SHMT1: variants seen among roughly 807,000 people sequenced by gnomAD.
SHMT1 encodes the protein serine hydroxymethyltransferase, cytosolic.
In SHMT1, 45 loss-of-function variants were observed where a neutral mutation model predicts 49.0. The ratio of observed to expected loss-of-function variants is 0.92; its 90% CI spans 0.72 to 1.18. SHMT1 has a LOEUF of 1.18. SHMT1 is among the 50% of genes most tolerant of loss of function. The probability of loss-of-function intolerance (pLI) is 0.00; values close to 1 mark genes in which losing one functional copy is unlikely to be tolerated. For missense variants in SHMT1, 541 were observed against 612.4 expected (o/e 0.88, Z 1.23); for synonymous variants, 232 against 246.6 (o/e 0.94, Z 0.55).
At chr17:18,330,524 G>A (rs1204298266) in intron 10 of SHMT1, 31 bp downstream of exon 10, 2 of 1,397,492 alleles carry the variant, frequency 1.4e-6, no homozygotes, top group Non-Finnish European at 2.0e-6. Context: ...GATGGGAGAG[G>A]AGTGAAGGAG....
rs751409648 is a variant in SHMT1, at chr17:18,353,645, A to G, written c.242+27T>C. The G allele has an allele frequency of 6.8e-6, 11 of 1,612,878 alleles. No homozygotes were observed. In the East Asian group the frequency reaches 2.5e-4, roughly 36 times the overall value. On this transcript the variant is annotated intron_variant, in intron 3 of 11. Transcript: ENST00000316694. Reference sequence around the variant, plus strand: ...GAGTACTCCCTATGACTGTGTCAGAACCAGGCCTTTGAAGATATTCACATA... The same window carrying G: ...GAGTACTCCCTATGACTGTGTCAGAGCCAGGCCTTTGAAGATATTCACATA...
intron 5 of SHMT1, among the ~76,000 whole-genome samples, chr17:18,344,071 A>C (rs555817056): frequency 6.6e-6 from 1 of 152,096 alleles, no homozygotes; most frequent in African/African-American, 2.4e-5. Context: ...CCCTGACCCA[A>C]CCTTCCTTCC....
chr17:18,332,835 C>T (rs1400590323), intron 9 of SHMT1: 4 of 392,584 alleles, frequency 1.0e-5, no homozygotes, highest in South Asian at 4.0e-5. Context: ...CCTGGTGCCA[C>T]CTACCAGGTG....
rs775078018 is a variant in SHMT1, at chr17:18,354,888, AT to A, written c.96+997del. Among the ~76,000 whole-genome samples, 252 of 134,642 alleles carry A rather than the reference AT, an allele frequency of 1.9e-3. 6 individuals are homozygous for A. Among genetic ancestry groups the A allele is most frequent in the Middle Eastern group, 3.9e-3 (1 of 258 alleles). The allele number at this position is 134,642 out of a possible 152,430, so 88.3% of individuals were successfully genotyped here. ...TCCCGTCTCTACTAAAAAAAAAAAA[AT>A]AATACAAAAAATTAGCCAGGGCGTG... On this transcript the variant is annotated intron_variant, in intron 2 of 11. Coordinates refer to ENST00000316694, the MANE Select transcript of SHMT1 (RefSeq NM_004169.5).
intron 5 of SHMT1, among the ~76,000 whole-genome samples, chr17:18,346,436 CTG>C (rs901036942): frequency 3.9e-5 from 6 of 152,166 alleles, no homozygotes; most frequent in Non-Finnish European, 7.3e-5. Context: ...TTTGACCCAA[CTG>C]TTTATACAGA....
chr17:18,356,790 G>A (rs1986281326), intron 1 of SHMT1, among the ~76,000 whole-genome samples: 1 of 151,936 alleles, frequency 6.6e-6, no homozygotes, highest in Admixed American at 6.6e-5. Flanking sequence ...TTTCCAAACT[G>A]CAGACGTCAG....
In SHMT1 at chr17:18,330,536, A is replaced by C; in HGVS notation, c.1171+19T>G. Reference sequence around the variant, plus strand: ...GCAGATGGGAGAGGAGTGAAGGAGAAGGCAAGGATGATTCTCACCTGGACA... The same window carrying C: ...GCAGATGGGAGAGGAGTGAAGGAGACGGCAAGGATGATTCTCACCTGGACA... On this transcript the variant is annotated intron_variant, in intron 10 of 11. Coordinates refer to ENST00000316694, the MANE Select transcript of SHMT1 (RefSeq NM_004169.5). 1.3e-6 allele frequency: 2 copies of C among 1,519,910 alleles called. No individual in the cohort carries two copies. The highest frequency in any genetic ancestry group is 1.8e-6 in the Non-Finnish European group (2 of 1,093,950). 94.2% of individuals were successfully genotyped at this position (1,519,910 alleles called of 1,614,324 possible).
Position 18,340,353 on chromosome 17 carries a change from G to A in SHMT1, c.602-98C>T. ...CTAGATGTGCAGATCTGAAAGCCCA[G>A]AGATTTCTTCCCTTAAAGTCTCAGA... On this transcript the variant is annotated intron_variant, in intron 6 of 11. Transcript: ENST00000316694. This position sits in a 1 kb window ranked among gnomAD's most constrained non-coding sequence, Gnocchi z 4.5. The A allele has an allele frequency of 7.7e-7, 1 of 1,291,018 alleles. No homozygotes were observed. Among genetic ancestry groups the A allele is most frequent in the South Asian group, 1.2e-5 (1 of 82,684 alleles). The allele number at this position is 1,291,018 out of a possible 1,614,324, so 80.0% of individuals were successfully genotyped here.
intron 7 of SHMT1, 68 bp from the exon 8 acceptor site, chr17:18,335,743 C>T (rs988081714): frequency 2.7e-6 from 3 of 1,091,032 alleles, no homozygotes; most frequent in African/African-American, 3.1e-5. Context: ...TAGGCTCAAA[C>T]CCAGACTGGC....
At chr17:18,357,891 T>G (rs1286050871) in intron 1 of SHMT1, among the ~76,000 whole-genome samples, 3 of 129,698 alleles carry the variant, frequency 2.3e-5, no homozygotes, top group Admixed American at 8.3e-5. Context: ...TGAGACAGAG[T>G]CTCACTCTGT....
chr17:18,338,849 A>G (rs1283947483), intron 7 of SHMT1, among the ~76,000 whole-genome samples: 1 of 152,078 alleles, frequency 6.6e-6, no homozygotes, highest in African/African-American at 2.4e-5. Context: ...TGAAGGCGGC[A>G]TGCTCATTAA....
chr17:18,344,628 T>C (rs1984892871), intron 5 of SHMT1, among the ~76,000 whole-genome samples: 1 of 148,936 alleles, frequency 6.7e-6, no homozygotes, highest in Non-Finnish European at 1.5e-5. Flanking sequence ...CTTTTTAATT[T>C]AATGGGTTTT....
rs754662447 is a variant in SHMT1, at chr17:18,348,612, G to A, written c.243-172C>T. The A allele has an allele frequency of 4.1e-6, 3 of 723,120 alleles. No homozygotes were observed. The East Asian group carries it at 8.0e-5, about 19-fold the overall frequency. 44.8% of individuals were successfully genotyped at this position (723,120 alleles called of 1,614,324 possible). On this transcript the variant is annotated intron_variant, in intron 3 of 11. Coordinates refer to ENST00000316694, the MANE Select transcript of SHMT1 (RefSeq NM_004169.5). Reference sequence around the variant, plus strand: ...CAGCATGATCAAGTGTTCCACCAATGCCTCTGGAATCTACAGTCAAGAGAC... The same window carrying A: ...CAGCATGATCAAGTGTTCCACCAATACCTCTGGAATCTACAGTCAAGAGAC...
In SHMT1 at chr17:18,361,317, A is replaced by AC. The variant is rs753281805; in HGVS notation, c.-20+2054_-20+2055insG. Among the ~76,000 whole-genome samples, 336 of 146,026 alleles carry AC rather than the reference A, an allele frequency of 2.3e-3. 8 individuals carry two copies. Among genetic ancestry groups the AC allele is most frequent in the Non-Finnish European group, 4.1e-3 (274 of 66,072 alleles). On this transcript the variant is annotated intron_variant, in intron 1 of 11. Transcript: ENST00000316694. The stretch of plus-strand genomic sequence containing the variant: ...CTGTCTCAAAAAAAAAAAAAAAAAC[A>AC]AAAACAAAAATTAGCCAGGCATGGT...
Position 18,350,100 on chromosome 17 carries a change from G to A in SHMT1, c.243-1660C>T, listed in dbSNP as rs373921674. Among the ~76,000 whole-genome samples, 5 of 152,184 alleles carry A rather than the reference G, an allele frequency of 3.3e-5. No individual in the cohort carries two copies. The East Asian group carries it at 5.8e-4, about 18-fold the overall frequency. ...TCCCAGCACTTTCGGAGGCCGAGGC[G>A]GGCGGATCACGAGGTCAGGAGATGG... On this transcript the variant is annotated intron_variant, in intron 3 of 11. Coordinates refer to ENST00000316694, the MANE Select transcript of SHMT1 (RefSeq NM_004169.5).
chr17:18,347,238 CT>C (rs1182564828), intron 5 of SHMT1, among the ~76,000 whole-genome samples: 1 of 152,190 alleles, frequency 6.6e-6, no homozygotes, highest in Non-Finnish European at 1.5e-5. Flanking sequence ...GCCACTGCCC[CT>C]GCCACATCTG....
In SHMT1 at chr17:18,340,211, T is replaced by C. The variant is rs750421175; in HGVS notation, c.646A>G (p.Lys216Glu). ...SRNLEYARLRKIADENGAYLM... is the reference protein window; with the variant it reads ...SRNLEYARLREIADENGAYLM... The stretch of plus-strand genomic sequence containing the variant: ...TACGCCCCGTTCTCATCTGCAATCT[T>C]CCGTAGCCGGGCATATTCCAGGTTT... The change falls in exon 7 of 12, where the codon AAG (lysine) becomes GAG (glutamate). Residue 216 changes from lysine to glutamate, a missense_variant. Lys to Glu is a moderately conservative substitution (Grantham distance 56, BLOSUM62 1). Transcript: ENST00000316694. This position sits in a 1 kb window ranked among gnomAD's most constrained non-coding sequence, Gnocchi z 4.5. The C allele has an allele frequency of 8.7e-6, 14 of 1,614,166 alleles. No homozygotes were observed. In the South Asian group the frequency reaches 1.2e-4, roughly 14 times the overall value.
chr17:18,344,576 G>GAAA (rs748167371), intron 5 of SHMT1, among the ~76,000 whole-genome samples: 1 of 26,380 alleles, frequency 3.8e-5, no homozygotes, highest in Non-Finnish European at 7.4e-5. Flanking sequence ...CACAATTACC[G>GAAA]GAAAAAAAAA....
chr17:18,347,710 G>A, intron 4 of SHMT1, 54 bp from the exon 5 acceptor site: 5 of 1,605,740 alleles, frequency 3.1e-6, no homozygotes, highest in South Asian at 2.2e-5. Context: ...GGTACCAAGT[G>A]GCATCCGGGA....
Sources: gnomAD v4.1 joint callset for allele counts (sites outside exome capture counted in the v4.1 genomes callset) on GRCh38, gnomAD v4.1.1 for gene constraint, Gnocchi (gnomAD v3.1) non-coding constraint, MANE v1.5 for transcripts, NCBI Gene and HGNC (gene_info 2026-07-23, HGNC 2026-07-21) for gene names.